ZFAND5: variants seen among roughly 807,000 people sequenced by gnomAD.
ZFAND5 encodes the protein AN1-type zinc finger protein 5.
In ZFAND5, 4 loss-of-function variants were observed where a neutral mutation model predicts 23.6. The observed-to-expected ratio is 0.17, with a 90% confidence interval of 0.08 to 0.39. The LOEUF is 0.39. ZFAND5 is among the 10% of genes least tolerant of loss of function. The pLI is 1.00. For missense variants in ZFAND5, 161 were observed against 253.7 expected (o/e 0.63, Z 2.48); for synonymous variants, 68 against 80.6 (o/e 0.84, Z 0.84).
At chr9:72,356,535 A>G (rs968702093) in intron 6 of ZFAND5, among the ~76,000 whole-genome samples, 4 of 152,212 alleles carry the variant, frequency 2.6e-5, no homozygotes, top group Admixed American at 6.5e-5. Flanking sequence ...GTCCTACCAT[A>G]TCTTAAGTAA....
At chr9:72,363,248 G>A (rs554924950) in intron 2 of ZFAND5, among the ~76,000 whole-genome samples, 1 of 152,240 alleles carries the variant, frequency 6.6e-6, no homozygotes, top group African/African-American at 2.4e-5. Flanking sequence ...TGCCTTTAAA[G>A]TAATTAGCAA....
chr9:72,359,749 T>C (rs570208334), intron 4 of ZFAND5, among the ~76,000 whole-genome samples: 1 of 152,322 alleles, frequency 6.6e-6, no homozygotes, highest in African/African-American at 2.4e-5. Context: ...GTTACCATAT[T>C]TTACAACCAG....
At chr9:72,357,188 C>T in intron 5 of ZFAND5, 132 bp from the exon 6 acceptor site, 1 of 1,103,670 alleles carries the variant, frequency 9.1e-7, no homozygotes, top group African/African-American at 1.6e-5. Context: ...AAAATACAAG[C>T]TTTAAACAGA....
chr9:72,364,436 C>T (rs1386353894), intron 1 of ZFAND5: 6 of 1,265,508 alleles, frequency 4.7e-6, no homozygotes, highest in South Asian at 1.3e-5. Context: ...CCCGCAGAGG[C>T]GGCACGCCGT....
rs986953939 is a variant in ZFAND5, at chr9:72,356,924, G to A, written c.493+7C>T. On this transcript the variant is annotated splice_region_variant and intron_variant, in intron 6 of 6. Coordinates refer to ENST00000376962, the MANE Select transcript of ZFAND5 (RefSeq NM_001102420.3). ...TAAAACATACATTGTCTTGTGTTTTGTAATACCTGTAAGACCAACTTTCTT... is the reference window on the plus strand; with the variant it reads ...TAAAACATACATTGTCTTGTGTTTTATAATACCTGTAAGACCAACTTTCTT... 2 of 1,610,084 alleles carry A rather than the reference G, an allele frequency of 1.2e-6. No homozygotes were observed. Among genetic ancestry groups the A allele is most frequent in the Non-Finnish European group, 1.7e-6 (2 of 1,179,062 alleles).
At chr9:72,357,767 T>C (rs1015231708) in intron 5 of ZFAND5, among the ~76,000 whole-genome samples, 7 of 152,234 alleles carry the variant, frequency 4.6e-5, no homozygotes, top group East Asian at 1.9e-4. Flanking sequence ...TTATCTAAAA[T>C]GGGCATCCAC....
chr9:72,351,632 A>G lies in ZFAND5; in HGVS notation c.*4321T>C, dbSNP rs1295251029. The G allele has an allele frequency of 2.8e-5, 4 of 144,802 alleles. No homozygotes were observed. The highest frequency in any genetic ancestry group is 6.0e-5 in the Non-Finnish European group (4 of 66,390). The allele number at this position is 144,802 out of a possible 1,614,324, so 9.0% of individuals were successfully genotyped here. On this transcript the variant is annotated 3_prime_UTR_variant, in exon 7 of 7. Coordinates refer to ENST00000376962, the MANE Select transcript of ZFAND5 (RefSeq NM_001102420.3). Reference sequence around the variant, plus strand: ...ACATTTGCTACACGGTATTTATTCAATGACTGTATATTTAGTCACCACCTC... The same window carrying G: ...ACATTTGCTACACGGTATTTATTCAGTGACTGTATATTTAGTCACCACCTC...
chr9:72,352,978 A>C lies in ZFAND5; in HGVS notation c.*2975T>G, dbSNP rs906010748. On this transcript the variant is annotated 3_prime_UTR_variant, in exon 7 of 7. Transcript: ENST00000376962. ...CAGAAACAGCTTTCCCTCACAAACT[A>C]ATTTTCCCCACGTTGTGGGAAGCCT... The C allele has an allele frequency of 8.5e-5, 13 of 152,302 alleles. No individual in the cohort carries two copies. Among genetic ancestry groups the C allele is most frequent in the African/African-American group, 1.9e-4 (8 of 41,560 alleles). 9.4% of individuals were successfully genotyped at this position (152,302 alleles called of 1,614,324 possible). A position where few individuals can be genotyped will look rare whatever the true frequency, so the allele number is the denominator to read the frequency against.
chr9:72,357,693 T>G (rs1014590737), intron 5 of ZFAND5, among the ~76,000 whole-genome samples: 2 of 152,114 alleles, frequency 1.3e-5, no homozygotes, highest in Non-Finnish European at 2.9e-5. Context: ...CAAACAGTCT[T>G]TAGAAACTAC....
In ZFAND5 at chr9:72,360,149, T is replaced by C; in HGVS notation, c.224A>G (p.Asn75Ser). The change falls in exon 4 of 7, where the codon AAC becomes AGC. Residue 75 changes from asparagine (N) to serine (S), a missense_variant. By Grantham distance (46) the Asn-to-Ser change is conservative. This residue lies in a region of ZFAND5 where 116 missense variants were observed against 115.2 expected (regional missense o/e 1.01). Coordinates refer to ENST00000376962, the MANE Select transcript of ZFAND5 (RefSeq NM_001102420.3). ...SVQRADTSLNNCEGAAGSTSE... is the reference protein window; with the variant it reads ...SVQRADTSLNSCEGAAGSTSE... ...TGTGCTGCCAGCAGCACCTTCACAGTTGTTTAAGCTAGTGTCTGCTCTCTG... is the reference window on the plus strand; with the variant it reads ...TGTGCTGCCAGCAGCACCTTCACAGCTGTTTAAGCTAGTGTCTGCTCTCTG... The C allele has an allele frequency of 1.9e-6, 3 of 1,612,636 alleles. No individual in the cohort carries two copies. Among genetic ancestry groups the C allele is most frequent in the Non-Finnish European group, 2.5e-6 (3 of 1,179,310 alleles).
intron 1 of ZFAND5, 68 bp downstream of exon 1, chr9:72,364,628 C>A: frequency 8.5e-7 from 1 of 1,179,722 alleles, no homozygotes; most frequent in Non-Finnish European, 1.1e-6. Context: ...GCGCCCCGGT[C>A]CCTTCACTCC....
At chr9:72,360,466 C>G in intron 3 of ZFAND5, 162 bp downstream of exon 3, 1 of 983,512 alleles carries the variant, frequency 1.0e-6, no homozygotes, top group Non-Finnish European at 1.5e-6. Context: ...GATAGTCATT[C>G]ATTCCTGATC....
chr9:72,364,312 T>G, intron 1 of ZFAND5: 2 of 722,910 alleles, frequency 2.8e-6, no homozygotes, highest in Non-Finnish European at 3.7e-6. Flanking sequence ...AGGGGAGAGC[T>G]AGGGGGGGCT....
intron 1 of ZFAND5, chr9:72,364,463 G>C (rs1564317192): frequency 1.6e-6 from 2 of 1,278,110 alleles, no homozygotes; most frequent in Non-Finnish European, 1.0e-6. Flanking sequence ...TTTCCCGACC[G>C]TGCTGTGGAG....
In ZFAND5 at chr9:72,353,166, C is replaced by CA. The variant is rs1321430791; in HGVS notation, c.*2786dup. 1 of 152,076 alleles carries CA rather than the reference C, an allele frequency of 6.6e-6. No homozygotes were observed. The highest frequency in any genetic ancestry group is 2.4e-5 in the African/African-American group (1 of 41,378). 9.4% of individuals were successfully genotyped at this position (152,076 alleles called of 1,614,324 possible). A position where few individuals can be genotyped will look rare whatever the true frequency, so the allele number is the denominator to read the frequency against. ...TATTTGTCTGCTTATGTAAGGGAAA[C>CA]ATGGTATATTATTAAATTGCTTAAT... On this transcript the variant is annotated 3_prime_UTR_variant, in exon 7 of 7. Coordinates refer to ENST00000376962, the MANE Select transcript of ZFAND5 (RefSeq NM_001102420.3).
At chr9:72,356,145 T>A (rs1296579147) in intron 6 of ZFAND5, 44 bp from the exon 7 acceptor site, 5 of 1,574,860 alleles carry the variant, frequency 3.2e-6, no homozygotes, top group Admixed American at 4.3e-5. Flanking sequence ...CTTGAGGCAA[T>A]TAAAAGAAAA....
intron 5 of ZFAND5, among the ~76,000 whole-genome samples, chr9:72,357,693 T>A (rs1014590737): frequency 1.3e-5 from 2 of 152,114 alleles, no homozygotes; most frequent in African/African-American, 4.8e-5. Context: ...CAAACAGTCT[T>A]TAGAAACTAC....
intron 2 of ZFAND5, 150 bp from the exon 3 acceptor site, chr9:72,360,937 A>G: frequency 1.4e-6 from 1 of 710,774 alleles, no homozygotes; most frequent in Non-Finnish European, 2.1e-6. Flanking sequence ...GATAATTATC[A>G]ATATTTTGTT....
At position 72,354,706 on chromosome 9, in the gene ZFAND5, C is replaced by G. The variant is rs1478195040; in HGVS notation, c.*1247G>C. The G allele has an allele frequency of 6.6e-6, 1 of 152,516 alleles. No individual in the cohort carries two copies. The highest frequency in any genetic ancestry group is 2.4e-5 in the African/African-American group (1 of 41,422). The allele number at this position is 152,516 out of a possible 1,614,324, so 9.4% of individuals were successfully genotyped here. ...ATACTTAACTATTTACAGATGAAAA[C>G]AGGCATTACCACAACACTAACTATA... On this transcript the variant is annotated 3_prime_UTR_variant, in exon 7 of 7. Coordinates refer to ENST00000376962, the MANE Select transcript of ZFAND5 (RefSeq NM_001102420.3).
Sources: allele counts gnomAD v4.1 joint callset (sites outside exome capture counted in the v4.1 genomes callset), GRCh38; gene constraint gnomAD v4.1.1; regional missense constraint gnomAD v4.1.1; transcripts MANE v1.5; gene names NCBI Gene and HGNC (gene_info 2026-07-23, HGNC 2026-07-21).